ICE1: variants seen among roughly 807,000 people sequenced by gnomAD.
The protein encoded by ICE1 is little elongation complex subunit 1.
In ICE1, 64 loss-of-function variants were observed where a neutral mutation model predicts 192.7. The observed-to-expected ratio is 0.33, with a 90% CI of 0.27 to 0.41. The LOEUF is 0.41. Ranked by LOEUF, ICE1 falls within the 10% of genes least tolerant of loss-of-function variation. The probability of loss-of-function intolerance (pLI) is 1.00; values close to 1 mark genes in which losing one functional copy is unlikely to be tolerated. For missense variants in ICE1, 2,708 were observed against 2,696.0 expected, an observed-to-expected ratio of 1.00 and a Z score of -0.10; for synonymous variants, 1,010 against 984.5, an observed-to-expected ratio of 1.03 and a Z score of -0.49.
intron 15 of ICE1, among the ~76,000 whole-genome samples, chr5:5,471,464 T>G (rs924276378): frequency 1.2e-4 from 18 of 152,102 alleles, no homozygotes. Context: ...TCATTTCTAG[T>G]AATAAAACCC....
chr5:5,460,314 G>T (rs1330413088), intron 12 of ICE1, 122 bp from the exon 13 acceptor site: 21 of 731,196 alleles, frequency 2.9e-5, no homozygotes, highest in Non-Finnish European at 4.6e-5. Flanking sequence ...GCCTGCCCCT[G>T]CTCAAACGTG....
intron 7 of ICE1, among the ~76,000 whole-genome samples, chr5:5,444,729 AAC>A (rs1407316495): frequency 6.6e-6 from 1 of 152,188 alleles, no homozygotes; most frequent in Non-Finnish European, 1.5e-5. Flanking sequence ...AGATAGTTAT[AAC>A]ACACATACAG....
intron 6 of ICE1, among the ~76,000 whole-genome samples, chr5:5,443,607 T>C (rs1340015332): frequency 6.6e-6 from 1 of 152,206 alleles, no homozygotes; most frequent in Non-Finnish European, 1.5e-5. Context: ...TTCACTTGTG[T>C]CTGTGTGTCA....
rs755528643 is a variant in ICE1, at chr5:5,463,917, A to G, written c.4583A>G (p.Gln1528Arg). Residue 1528 changes from glutamine (Q) to arginine (R), a missense_variant, in exon 13 of 19, where the codon CAA becomes CGA. Coordinates refer to ENST00000296564, the MANE Select transcript of ICE1 (RefSeq NM_015325.3). ...TGGATTAGTTCTCAAATCTATGATC[A>G]AAACTTCGAGACTCAGATTGTTGCG... Reference protein sequence around the residue: ...SIWISSQIYDQNFETQIVASD... With the variant: ...SIWISSQIYDRNFETQIVASD... 3.1e-6 allele frequency: 5 copies of G among 1,613,892 alleles called. No homozygotes were observed. The highest frequency in any genetic ancestry group is 4.2e-6 in the Non-Finnish European group (5 of 1,179,890).
chr5:5,441,036 C>A (rs940391847), intron 4 of ICE1, 76 bp from the exon 5 acceptor site: 3 of 890,512 alleles, frequency 3.4e-6, no homozygotes, highest in African/African-American at 1.7e-5. Context: ...GCAATAAAAT[C>A]TGAAATTATA....
At position 5,469,582 on chromosome 5, in the gene ICE1, A is replaced by G. The variant is rs1739097146; in HGVS notation, c.6222+594A>G. On this transcript the variant is annotated intron_variant, in intron 15 of 18. Transcript: ENST00000296564. Reference sequence around the variant, plus strand: ...TCAAGAAGAGGTACTGAAGCCAGTGATATTGATTTTTTAATTTTATTTTCT... The same window carrying G: ...TCAAGAAGAGGTACTGAAGCCAGTGGTATTGATTTTTTAATTTTATTTTCT... Among the ~76,000 whole-genome samples, 5 of 152,102 alleles carry G rather than the reference A, an allele frequency of 3.3e-5. No individual in the cohort carries two copies. In the South Asian group the frequency reaches 1.0e-3, roughly 32 times the overall value.
intron 13 of ICE1, 55 bp from the exon 14 acceptor site, chr5:5,466,279 A>G: frequency 1.4e-6 from 2 of 1,437,390 alleles, no homozygotes; most frequent in South Asian, 1.4e-5. Flanking sequence ...AATCTTTGGT[A>G]GGCTGAAGAT....
chr5:5,471,238 T>C (rs1040860212), intron 15 of ICE1, among the ~76,000 whole-genome samples: 1 of 152,168 alleles, frequency 6.6e-6, no homozygotes, highest in Non-Finnish European at 1.5e-5. Flanking sequence ...TGCAGTCCTA[T>C]AGCAGCAGAT....
chr5:5,476,815 TA>T (rs1739328454), intron 17 of ICE1, among the ~76,000 whole-genome samples: 1 of 152,182 alleles, frequency 6.6e-6, no homozygotes, highest in South Asian at 2.1e-4. Context: ...CGGGGACAGA[TA>T]AACAAACTGT....
intron 1 of ICE1, among the ~76,000 whole-genome samples, chr5:5,432,948 A>G (rs116079086): frequency 6.6e-6 from 1 of 152,128 alleles, no homozygotes; most frequent in Non-Finnish European, 1.5e-5. Context: ...TAGCAGATAC[A>G]CTGAGGATGT....
rs957358442 is a variant in ICE1, at chr5:5,434,678, T to C, written c.85-1740T>C. Among the ~76,000 whole-genome samples the C allele has an allele frequency of 3.9e-5, 6 of 152,140 alleles. No homozygotes were observed. In the South Asian group the frequency reaches 6.2e-4, roughly 16 times the overall value. On this transcript the variant is annotated intron_variant, in intron 1 of 18. Transcript: ENST00000296564. The stretch of plus-strand genomic sequence containing the variant: ...AAAGCTAACCAGGATGTAGAAAACA[T>C]CCTTCAGGAATGCGTAGAGGAAAAA...
intron 1 of ICE1, among the ~76,000 whole-genome samples, chr5:5,423,339 T>TG (rs1335145275): frequency 6.6e-6 from 1 of 151,996 alleles, no homozygotes; most frequent in African/African-American, 2.4e-5. Flanking sequence ...GAGGGACAGG[T>TG]GAAACGCCGA....
At position 5,465,218 on chromosome 5, in the gene ICE1, A is replaced by G. The variant is rs776616475; in HGVS notation, c.5884A>G (p.Thr1962Ala). Residue 1962 changes from threonine to alanine, a missense_variant, in exon 13 of 19, where the codon ACA (threonine) becomes GCA (alanine). This residue lies in a region of ICE1 where 342 missense variants were observed against 419.3 expected (regional missense o/e 0.82). Transcript: ENST00000296564. ...GGAAGTTGTTTATGAATTTAGCACAACAAAAAAGGTATGTGGCTGCTCTTT... is the reference window on the plus strand; with the variant it reads ...GGAAGTTGTTTATGAATTTAGCACAGCAAAAAAGGTATGTGGCTGCTCTTT... ...EKEVVYEFST[T>A]KKHLAECLLH... 7 of 1,567,104 alleles carry G rather than the reference A, an allele frequency of 4.5e-6. No homozygotes were observed. The highest frequency in any genetic ancestry group is 5.2e-6 in the Non-Finnish European group (6 of 1,154,654).
chr5:5,440,696 A>G (rs1417489594), intron 4 of ICE1, among the ~76,000 whole-genome samples: 1 of 152,056 alleles, frequency 6.6e-6, no homozygotes, highest in Non-Finnish European at 1.5e-5. Context: ...GTGGCACTCA[A>G]ATAGTAAATA....
At chr5:5,467,964 C>T (rs892139279) in intron 14 of ICE1, among the ~76,000 whole-genome samples, 1 of 152,124 alleles carries the variant, frequency 6.6e-6, no homozygotes, top group Non-Finnish European at 1.5e-5. Flanking sequence ...TAAACTAGCA[C>T]GCGGATGTAA....
intron 1 of ICE1, among the ~76,000 whole-genome samples, chr5:5,426,938 G>GT (rs1292961639): frequency 6.6e-6 from 1 of 152,202 alleles, no homozygotes; most frequent in Admixed American, 6.5e-5. Flanking sequence ...ATTTACAAGT[G>GT]TAACATAGGA....
At chr5:5,456,319 G>T (rs1738578694) in intron 11 of ICE1, among the ~76,000 whole-genome samples, 1 of 152,116 alleles carries the variant, frequency 6.6e-6, no homozygotes, top group East Asian at 1.9e-4. Context: ...TGCTGATTTT[G>T]GCCTACAGCA....
chr5:5,448,848 A>G (rs1048564183), intron 10 of ICE1, among the ~76,000 whole-genome samples: 2 of 152,122 alleles, frequency 1.3e-5, no homozygotes, highest in Non-Finnish European at 2.9e-5. Flanking sequence ...TTGATTGCTC[A>G]CCTACCACTA....
Position 5,422,742 on chromosome 5 carries a change from C to A in ICE1, c.-174C>A. 2 of 378,640 alleles carry A rather than the reference C, an allele frequency of 5.3e-6. No homozygotes were observed. Among genetic ancestry groups the A allele is most frequent in the Non-Finnish European group, 4.6e-6 (1 of 217,280 alleles). 23.5% of individuals were successfully genotyped at this position (378,640 alleles called of 1,614,324 possible). On this transcript the variant is annotated 5_prime_UTR_variant, in exon 1 of 19. Coordinates refer to ENST00000296564, the MANE Select transcript of ICE1 (RefSeq NM_015325.3). ...TTTTTAGTGCCTGAGGCAGCTCTGG[C>A]TCGGAGAGCCTTTTGCTAGCCCCAC... is the stretch of plus-strand genomic sequence containing the variant.
Sources: allele counts gnomAD v4.1 joint callset (sites outside exome capture counted in the v4.1 genomes callset), GRCh38; gene constraint gnomAD v4.1.1; regional missense constraint gnomAD v4.1.1; transcripts MANE v1.5; gene names NCBI Gene and HGNC (gene_info 2026-07-23, HGNC 2026-07-21).